DIS3L2: variants seen among roughly 807,000 people sequenced by gnomAD.
DIS3L2 encodes the protein DIS3-like exonuclease 2.
Under a neutral mutation model 97.5 loss-of-function variants are expected in DIS3L2, and 34 were observed. That is an observed-to-expected ratio of 0.35 (90% CI 0.27 to 0.46). The LOEUF is 0.46. Among genes scored for constraint, DIS3L2 ranks in the 20% least tolerant of loss-of-function variants. The probability of loss-of-function intolerance (pLI) is 1.00; values close to 1 mark genes in which losing one functional copy is unlikely to be tolerated. For synonymous variants in DIS3L2, 435 were observed against 445.2 expected (o/e 0.98, Z 0.29); for missense variants, 1,038 against 1,146.0 (o/e 0.91, Z 1.36).
chr2:232,323,764 G>A (rs1180006402), intron 14 of DIS3L2, among the ~76,000 whole-genome samples: 1 of 152,196 alleles, frequency 6.6e-6, no homozygotes, highest in East Asian at 1.9e-4. Flanking sequence ...AGAGGCCACG[G>A]CACCCTCTGC....
At chr2:232,000,643 CTTTCCTTTCCTTTCCTTTCT>C (rs1263671170) in intron 1 of DIS3L2, among the ~76,000 whole-genome samples, 2 of 129,026 alleles carry the variant, frequency 1.6e-5, no homozygotes, top group African/African-American at 5.4e-5. Flanking sequence ...CTTTCCTTTC[CTTTCCTTTCCTTTCCTTTCT>C]CTTTCTCTCT....
intron 6 of DIS3L2, among the ~76,000 whole-genome samples, chr2:232,126,820 A>T (rs1489613974): frequency 6.6e-6 from 1 of 152,178 alleles, no homozygotes; most frequent in Non-Finnish European, 1.5e-5. Flanking sequence ...CCTACCCAGC[A>T]CTGTGTCCCC....
downstream of DIS3L2, among the ~76,000 whole-genome samples, chr2:232,340,182 G>T (rs1696074243): frequency 6.6e-6 from 1 of 152,206 alleles, no homozygotes; most frequent in Admixed American, 6.5e-5. Context: ...CGCATGGCAG[G>T]TGAGAGCAGA....
chr2:232,069,162 A>G (rs1288184627), intron 5 of DIS3L2, among the ~76,000 whole-genome samples: 2 of 152,126 alleles, frequency 1.3e-5, no homozygotes, highest in Non-Finnish European at 2.9e-5. Flanking sequence ...GTGTGTTTCT[A>G]AGATGAAATC....
chr2:231,998,922 C>G (rs898966447), intron 1 of DIS3L2, among the ~76,000 whole-genome samples: 1 of 152,132 alleles, frequency 6.6e-6, no homozygotes, highest in African/African-American at 2.4e-5. Flanking sequence ...CCAGTAGCAG[C>G]CTTTTCAGAG....
chr2:232,320,711 G>A (rs906700616), intron 14 of DIS3L2, among the ~76,000 whole-genome samples: 14 of 152,168 alleles, frequency 9.2e-5, no homozygotes, highest in African/African-American at 2.9e-4. Flanking sequence ...GGCACTCAAC[G>A]TTTTCTGTGG....
intron 13 of DIS3L2, among the ~76,000 whole-genome samples, chr2:232,274,190 C>T (rs1258836025): frequency 6.6e-6 from 1 of 152,164 alleles, no homozygotes; most frequent in Admixed American, 6.5e-5. Flanking sequence ...CCAGCCAGCA[C>T]CCCTTGTTCC....
intron 6 of DIS3L2, among the ~76,000 whole-genome samples, chr2:232,088,657 C>G (rs1696741601): frequency 6.6e-6 from 1 of 152,056 alleles, no homozygotes. Flanking sequence ...TGATTCTAAG[C>G]CTTTTAAAAA....
At chr2:232,171,147 G>A (rs549624912) in intron 9 of DIS3L2, among the ~76,000 whole-genome samples, 3 of 152,282 alleles carry the variant, frequency 2.0e-5, no homozygotes, top group Non-Finnish European at 2.9e-5. Flanking sequence ...AGAGCCGTGA[G>A]CAATTTTATC....
At chr2:232,064,589 A>G (rs991402763) in intron 5 of DIS3L2, among the ~76,000 whole-genome samples, 1 of 152,184 alleles carries the variant, frequency 6.6e-6, no homozygotes, top group South Asian at 2.1e-4. Flanking sequence ...TATGGTAAGC[A>G]TATGTTTATC....
intron 9 of DIS3L2, among the ~76,000 whole-genome samples, chr2:232,170,572 T>TA (rs1482435764): frequency 6.6e-6 from 1 of 152,188 alleles, no homozygotes; most frequent in Non-Finnish European, 1.5e-5. Flanking sequence ...ACTTGGCACT[T>TA]AAAATTGCTT....
intron 6 of DIS3L2, among the ~76,000 whole-genome samples, chr2:232,116,535 A>G (rs1487753887): frequency 6.6e-6 from 1 of 152,196 alleles, no homozygotes; most frequent in Non-Finnish European, 1.5e-5. Flanking sequence ...AGAATTCTCA[A>G]CTAGGTTTTT....
At chr2:232,077,759 A>G (rs1293053099) in intron 5 of DIS3L2, among the ~76,000 whole-genome samples, 1 of 152,142 alleles carries the variant, frequency 6.6e-6, no homozygotes, top group Non-Finnish European at 1.5e-5. Context: ...AGGTCTATGG[A>G]GAAACCAGAA....
chr2:232,127,155 T>A (rs530790326), intron 6 of DIS3L2, among the ~76,000 whole-genome samples: 2 of 152,208 alleles, frequency 1.3e-5, no homozygotes, highest in Non-Finnish European at 2.9e-5. Context: ...TTTCTCAGCA[T>A]ATAAACTGTT....
At chr2:232,229,324 C>T (rs1488133754) in intron 10 of DIS3L2, among the ~76,000 whole-genome samples, 2 of 152,198 alleles carry the variant, frequency 1.3e-5, no homozygotes, top group African/African-American at 4.8e-5. Context: ...ACCTGTACCC[C>T]AGCCCTTATT....
At chr2:232,341,120 G>C (rs1233001975), downstream of DIS3L2, 3 of 365,268 alleles carry the variant, frequency 8.2e-6, no homozygotes, top group Non-Finnish European at 1.6e-5. Flanking sequence ...AGACAGGTGA[G>C]CTCTCAACAG....
At chr2:232,058,283 T>C (rs114485220) in intron 5 of DIS3L2, among the ~76,000 whole-genome samples, 465 of 152,278 alleles carry the variant, frequency 3.1e-3, no homozygotes, top group African/African-American at 0.011. Context: ...TCAAGTTAAG[T>C]ATTGAGTAGC....
intron 5 of DIS3L2, among the ~76,000 whole-genome samples, chr2:232,032,130 T>C (rs1026059900): frequency 1.3e-5 from 2 of 152,224 alleles, no homozygotes; most frequent in Admixed American, 6.5e-5. Context: ...CTGCCAACAG[T>C]GTAAAAGCAT....
chr2:232,098,530 T>G (rs1048366705), intron 6 of DIS3L2, among the ~76,000 whole-genome samples: 3 of 152,034 alleles, frequency 2.0e-5, no homozygotes, highest in Non-Finnish European at 4.4e-5. Flanking sequence ...ATTTTTGTAT[T>G]TTTAGTAGAG....
Sources: allele counts gnomAD v4.1 joint callset (sites outside exome capture counted in the v4.1 genomes callset), GRCh38; gene constraint gnomAD v4.1.1; transcripts MANE v1.5; gene names NCBI Gene and HGNC (gene_info 2026-07-23, HGNC 2026-07-21).